Variants in MACROD2 observed in about 807,000 individuals in gnomAD.
The protein encoded by MACROD2 is mono-ADP ribosylhydrolase 2, also known as ADP-ribose glycohydrolase MACROD2.
In MACROD2, 36 loss-of-function variants were observed where a neutral mutation model predicts 70.4. The ratio of observed to expected loss-of-function variants is 0.51; its 90% confidence interval spans 0.39 to 0.68. The LOEUF (loss-of-function observed/expected upper bound fraction) is 0.68. Ranked by LOEUF, MACROD2 falls within the 30% of genes least tolerant of loss-of-function variation. MACROD2 has a pLI of 0.00. For missense variants in MACROD2, 496 were observed against 538.4 expected (o/e 0.92, Z 0.78); for synonymous variants, 172 against 178.8 (o/e 0.96, Z 0.30).
chr20:15,671,091 T>C (rs1435951833), intron 8 of MACROD2, among the ~76,000 whole-genome samples: 1 of 152,204 alleles, frequency 6.6e-6, no homozygotes, highest in African/African-American at 2.4e-5. Flanking sequence ...TATCATGCAA[T>C]GGTTGTCAGC....
chr20:15,187,534 T>A (rs988659736), intron 5 of MACROD2, among the ~76,000 whole-genome samples: 1 of 152,120 alleles, frequency 6.6e-6, no homozygotes, highest in Non-Finnish European at 1.5e-5. Context: ...ACCATTTCAA[T>A]ATATACTGGA....
intron 17 of MACROD2, among the ~76,000 whole-genome samples, chr20:16,047,382 A>T (rs1601379730): frequency 6.6e-6 from 1 of 152,354 alleles, no homozygotes; most frequent in Admixed American, 6.5e-5. Flanking sequence ...GAGAGGGTTA[A>T]ATGCATCAGT....
intron 5 of MACROD2, among the ~76,000 whole-genome samples, chr20:14,702,564 T>C (rs1251547630): frequency 1.6e-5 from 2 of 123,752 alleles, no homozygotes; most frequent in African/African-American, 2.9e-5. Context: ...TATATATATA[T>C]ACACATATAT....
At chr20:14,651,183 A>T (rs1824149160) in intron 4 of MACROD2, among the ~76,000 whole-genome samples, 1 of 152,210 alleles carries the variant, frequency 6.6e-6, no homozygotes, top group Admixed American at 6.5e-5. Context: ...CAAGACAGGG[A>T]CAGCGTATGC....
At chr20:15,625,060 CT>C (rs1259864856) in intron 8 of MACROD2, among the ~76,000 whole-genome samples, 1 of 152,160 alleles carries the variant, frequency 6.6e-6, no homozygotes, top group African/African-American at 2.4e-5. Flanking sequence ...ATAAAACCCC[CT>C]TTTCCTTCTG....
intron 6 of MACROD2, among the ~76,000 whole-genome samples, chr20:15,257,503 TAAAC>T (rs1480660183): frequency 6.6e-6 from 1 of 152,052 alleles, no homozygotes; most frequent in Admixed American, 6.6e-5. Context: ...ACAAGTTAAT[TAAAC>T]AATATGGTAA....
chr20:15,547,150 A>T (rs942171722), intron 8 of MACROD2, among the ~76,000 whole-genome samples: 5 of 152,170 alleles, frequency 3.3e-5, no homozygotes, highest in African/African-American at 1.2e-4. Context: ...GGCCTTCACT[A>T]TATTTCAGTT....
chr20:14,259,574 A>G (rs1172304058), intron 3 of MACROD2, among the ~76,000 whole-genome samples: 1 of 152,182 alleles, frequency 6.6e-6, no homozygotes, highest in Non-Finnish European at 1.5e-5. Context: ...CTGTTTATGT[A>G]CCATTAGTCA....
intron 5 of MACROD2, among the ~76,000 whole-genome samples, chr20:14,992,239 T>C (rs182897532): frequency 6.6e-6 from 1 of 152,302 alleles, no homozygotes; most frequent in Admixed American, 6.5e-5. Context: ...ACATTCATCA[T>C]AGAAAGAATG....
chr20:16,033,641 A>G (rs944421670), intron 15 of MACROD2, among the ~76,000 whole-genome samples: 1 of 152,118 alleles, frequency 6.6e-6, no homozygotes, highest in Non-Finnish European at 1.5e-5. Flanking sequence ...GAGAGTTATC[A>G]TTAACTCCCT....
intron 5 of MACROD2, among the ~76,000 whole-genome samples, chr20:14,804,661 C>G (rs1168185366): frequency 6.6e-6 from 1 of 151,950 alleles, no homozygotes; most frequent in Non-Finnish European, 1.5e-5. Flanking sequence ...TCTGATAGTG[C>G]TTCTCCCTTC....
At chr20:14,470,656 C>T (rs963792274) in intron 3 of MACROD2, among the ~76,000 whole-genome samples, 1 of 152,152 alleles carries the variant, frequency 6.6e-6, no homozygotes, top group Non-Finnish European at 1.5e-5. Flanking sequence ...AGTCTGGCTA[C>T]AGTGGCTTTG....
In MACROD2 at chr20:15,601,118, A is replaced by G. The variant is rs184671802; in HGVS notation, c.645+101271A>G. ...GGGATTCAACACAGGAAGGTAACTC[A>G]ATTCAGGATCCATATTTGTTACCTT... is the stretch of plus-strand genomic sequence containing the variant. On this transcript the variant is annotated intron_variant, in intron 8 of 17. Transcript: ENST00000684519. Among the ~76,000 whole-genome samples, 529 of 152,334 alleles carry G rather than the reference A, an allele frequency of 3.5e-3. 2 individuals are homozygous for G. The highest frequency in any genetic ancestry group is 6.4e-3 in the Non-Finnish European group (438 of 68,028).
intron 3 of MACROD2, among the ~76,000 whole-genome samples, chr20:14,351,870 A>C (rs982737796): frequency 3.3e-5 from 5 of 152,194 alleles, no homozygotes; most frequent in Admixed American, 6.5e-5. Flanking sequence ...TGGGTCTGTC[A>C]TATATGGCTG....
intron 14 of MACROD2, 31 bp downstream of exon 14, chr20:15,986,832 G>A: frequency 2.0e-6 from 3 of 1,521,096 alleles, no homozygotes; most frequent in Non-Finnish European, 2.7e-6. Flanking sequence ...TGTTATCAGA[G>A]AATGAGATGA....
At chr20:15,459,844 C>A (rs992149992) in intron 7 of MACROD2, among the ~76,000 whole-genome samples, 29 of 152,010 alleles carry the variant, frequency 1.9e-4, no homozygotes, top group African/African-American at 6.8e-4. Context: ...CACATTATTG[C>A]ACCAAATTTT....
At chr20:15,153,194 T>C (rs1200464984) in intron 5 of MACROD2, among the ~76,000 whole-genome samples, 2 of 151,992 alleles carry the variant, frequency 1.3e-5, no homozygotes, top group African/African-American at 2.4e-5. Flanking sequence ...AGGCTTTGTG[T>C]GAGCAACGAG....
At chr20:14,010,221 TAAAG>T (rs1228425191) in intron 2 of MACROD2, among the ~76,000 whole-genome samples, 2 of 152,212 alleles carry the variant, frequency 1.3e-5, no homozygotes, top group East Asian at 1.9e-4. Context: ...CATACTATAA[TAAAG>T]GAAGCTAGAG....
intron 2 of MACROD2, among the ~76,000 whole-genome samples, chr20:14,075,766 C>T (rs979415212): frequency 1.3e-5 from 2 of 152,140 alleles, no homozygotes; most frequent in Non-Finnish European, 2.9e-5. Flanking sequence ...CACACTGTCC[C>T]TCGTTGAAGG....
Sources: gnomAD v4.1 joint callset for allele counts (sites outside exome capture counted in the v4.1 genomes callset) on GRCh38, gnomAD v4.1.1 for gene constraint, MANE v1.5 for transcripts, NCBI Gene and HGNC (gene_info 2026-07-23, HGNC 2026-07-21) for gene names.